The following TANC2 variants were observed in gnomAD, a reference collection of about 807,000 sequenced individuals.
TANC2 encodes protein TANC2.
TANC2 carries 26 observed loss-of-function variants against 210.5 expected under a neutral mutation model. That is an observed-to-expected ratio of 0.12 (90% CI 0.09 to 0.17). TANC2 has a LOEUF of 0.17. Ranked by LOEUF, TANC2 falls within the 10% of genes least tolerant of loss-of-function variation. The probability of loss-of-function intolerance (pLI) is 1.00; values close to 1 mark genes in which losing one functional copy is unlikely to be tolerated. For missense variants in TANC2, 2,129 were observed against 2,608.9 expected (o/e 0.82, Z 4.01); for synonymous variants, 931 against 967.1 (o/e 0.96, Z 0.69).
At chr17:63,346,849 GCATACACCACCATACC>G (rs2046427971) in intron 12 of TANC2, among the ~76,000 whole-genome samples, 1 of 151,792 alleles carries the variant, frequency 6.6e-6, no homozygotes, top group Non-Finnish European at 1.5e-5. Context: ...GGGGCTACAG[GCATACACCACCATACC>G]TGGCTAATTT....
intron 27 of TANC2, among the ~76,000 whole-genome samples, chr17:63,419,518 G>A (rs986464528): frequency 6.6e-6 from 1 of 152,220 alleles, no homozygotes; most frequent in African/African-American, 2.4e-5. Context: ...AAGGGCAGAG[G>A]ACAGGGTTCT....
At chr17:63,367,894 G>C (rs892571802) in intron 14 of TANC2, among the ~76,000 whole-genome samples, 11 of 152,198 alleles carry the variant, frequency 7.2e-5, no homozygotes, top group African/African-American at 2.7e-4. Context: ...AGCCTTTTGA[G>C]AAGGAAGAAA....
intron 1 of TANC2, among the ~76,000 whole-genome samples, chr17:63,001,564 T>C (rs1416340769): frequency 1.3e-5 from 2 of 151,300 alleles, no homozygotes; most frequent in African/African-American, 2.4e-5. Flanking sequence ...TTTCTTTTTT[T>C]TTTTCCAAGA....
intron 5 of TANC2, among the ~76,000 whole-genome samples, chr17:63,175,914 AAAG>A (rs1448324502): frequency 6.6e-6 from 1 of 152,246 alleles, no homozygotes; most frequent in East Asian, 1.9e-4. Context: ...GTTGTTCACA[AAAG>A]AAGATGTAAG....
At chr17:63,095,692 A>G (rs997134352) in intron 3 of TANC2, among the ~76,000 whole-genome samples, 2 of 152,182 alleles carry the variant, frequency 1.3e-5, no homozygotes, top group Admixed American at 6.5e-5. Context: ...CTGAAGGCTC[A>G]TGAGCATACA....
In TANC2 at chr17:63,294,066, A is replaced by G. The variant is rs562877452; in HGVS notation, c.1160-20322A>G. ...TTATAAGCCTAGATATATAATTACA[A>G]TTATTGATGATCTCACAGAAACTTT... is the stretch of plus-strand genomic sequence containing the variant. On this transcript the variant is annotated intron_variant, in intron 9 of 27. Coordinates refer to ENST00000689528, the Ensembl canonical transcript of TANC2. Among the ~76,000 whole-genome samples, 70 of 152,310 alleles carry G rather than the reference A, an allele frequency of 4.6e-4. No homozygotes were observed. The South Asian group carries it at 0.013, about 29-fold the overall frequency.
At chr17:63,041,647 G>A (rs2035191288) in intron 2 of TANC2, among the ~76,000 whole-genome samples, 1 of 152,020 alleles carries the variant, frequency 6.6e-6, no homozygotes, top group African/African-American at 2.4e-5. Context: ...TCGAGTTAAT[G>A]AACTTTCTAA....
chr17:63,185,594 A>G (rs977295050), intron 5 of TANC2, among the ~76,000 whole-genome samples: 10 of 152,046 alleles, frequency 6.6e-5, no homozygotes, highest in African/African-American at 1.9e-4. Flanking sequence ...CTTTTATCCA[A>G]ATTTGATGCT....
chr17:63,292,013 AC>A (rs2146424964), intron 9 of TANC2, among the ~76,000 whole-genome samples: 1 of 152,360 alleles, frequency 6.6e-6, no homozygotes, highest in South Asian at 2.1e-4. Flanking sequence ...AACTGTGGTA[AC>A]AAATGGAAAA....
At chr17:63,243,061 A>C (rs2042818309) in intron 8 of TANC2, among the ~76,000 whole-genome samples, 1 of 152,184 alleles carries the variant, frequency 6.6e-6, no homozygotes, top group Admixed American at 6.5e-5. Context: ...TCTGAGTAAA[A>C]AACTGTCTTT....
chr17:63,020,786 C>T (rs539128005), intron 2 of TANC2, among the ~76,000 whole-genome samples: 1 of 152,300 alleles, frequency 6.6e-6, no homozygotes, highest in African/African-American at 2.4e-5. Context: ...GTTTATTTGG[C>T]TCACAGTTCT....
intron 1 of TANC2, among the ~76,000 whole-genome samples, chr17:62,971,513 A>G (rs1230000394): frequency 1.3e-5 from 2 of 152,196 alleles, no homozygotes; most frequent in Non-Finnish European, 2.9e-5. Context: ...TACTTTTTGT[A>G]GAGACAGTGT....
At chr17:63,146,516 T>C (rs1367208699) in intron 4 of TANC2, among the ~76,000 whole-genome samples, 1 of 152,154 alleles carries the variant, frequency 6.6e-6, no homozygotes, top group Non-Finnish European at 1.5e-5. Flanking sequence ...GAAAATACTT[T>C]CTTGGTACTT....
intron 18 of TANC2, 46 bp from the exon 19 acceptor site, chr17:63,398,775 A>G (rs757540229): frequency 2.9e-6 from 4 of 1,374,106 alleles, no homozygotes; most frequent in African/African-American, 2.9e-5. Flanking sequence ...TGTCAGTAGC[A>G]TAGTTTTCCA....
intron 9 of TANC2, among the ~76,000 whole-genome samples, chr17:63,303,821 C>T (rs1038992158): frequency 1.3e-5 from 2 of 151,532 alleles, no homozygotes; most frequent in African/African-American, 4.8e-5. Flanking sequence ...CTAATCTTGT[C>T]TGCGTGCCTT....
At chr17:63,183,733 G>T (rs2040872558) in intron 5 of TANC2, among the ~76,000 whole-genome samples, 1 of 152,132 alleles carries the variant, frequency 6.6e-6, no homozygotes, top group African/African-American at 2.4e-5. Context: ...AAAAAGAAAT[G>T]CAGGCTGGGC....
intron 9 of TANC2, among the ~76,000 whole-genome samples, chr17:63,273,198 A>G (rs1270260122): frequency 6.6e-6 from 1 of 152,062 alleles, no homozygotes; most frequent in Non-Finnish European, 1.5e-5. Context: ...AGGTGGGAGG[A>G]TCACTTGAGC....
chr17:63,003,215 G>T (rs2033465844), intron 1 of TANC2, among the ~76,000 whole-genome samples: 2 of 152,170 alleles, frequency 1.3e-5, no homozygotes, highest in Admixed American at 1.3e-4. Context: ...GACATATAAT[G>T]TTGAGCCCTT....
chr17:63,215,698 C>CATTTA (rs2042006145), intron 7 of TANC2, among the ~76,000 whole-genome samples: 1 of 151,992 alleles, frequency 6.6e-6, no homozygotes, highest in African/African-American at 2.4e-5. Context: ...AGGTGCCACA[C>CATTTA]TTTTATTTTA....
Sources: gnomAD v4.1 joint callset for allele counts (sites outside exome capture counted in the v4.1 genomes callset) on GRCh38, gnomAD v4.1.1 for gene constraint, MANE v1.5 for transcripts, NCBI Gene and HGNC (gene_info 2026-07-23, HGNC 2026-07-21) for gene names.